Variants in PRELID2 observed in about 807,000 individuals in gnomAD.
PRELID2 encodes PRELI domain containing 2, also known as PRELI domain-containing protein 2.
PRELID2 carries 25 observed loss-of-function variants against 28.4 expected under a neutral mutation model. That is an observed-to-expected ratio of 0.88 (90% confidence interval 0.64 to 1.23). The LOEUF (loss-of-function observed/expected upper bound fraction) is 1.23. PRELID2 is among the 50% of genes most tolerant of loss of function. The pLI, the probability that PRELID2 is intolerant of heterozygous loss-of-function variation, is 0.00. For missense variants in PRELID2, 201 were observed against 214.4 expected (o/e 0.94, Z 0.39); for synonymous variants, 76 against 71.6 (o/e 1.06, Z -0.31).
At position 145,526,301 on chromosome 5, in the gene PRELID2, C is replaced by T. The variant is rs190000071; in HGVS notation, n.71-52986G>A. On this transcript the variant is annotated intron_variant and non_coding_transcript_variant, in intron 1 of 2. Coordinates refer to the PRELID2 transcript ENST00000510259. ...GAGCAACCTGATTTCAGAACCCAAC[C>T]TCTTAACTACTCTGTAACACTGTCA... 3.4e-3 allele frequency among the ~76,000 whole-genome samples: 524 copies of T among 152,268 alleles called. 3 individuals are homozygous for T. The highest frequency in any genetic ancestry group is 0.012 in the African/African-American group (498 of 41,552).
intron 1 of PRELID2, among the ~76,000 whole-genome samples, chr5:145,747,354 A>T (rs1215499944): frequency 6.6e-6 from 1 of 152,194 alleles, no homozygotes; most frequent in East Asian, 1.9e-4. Context: ...ATCACCACTG[A>T]CACCACAGAA....
the PRELID2 span, among the ~76,000 whole-genome samples, chr5:145,368,877 A>T: frequency 6.6e-6 from 1 of 151,602 alleles, no homozygotes; most frequent in African/African-American, 2.4e-5. Flanking sequence ...AGCTAGTGTT[A>T]CGGAGGGGTT....
chr5:145,694,414 T>C (rs1201402045), intron 1 of PRELID2, among the ~76,000 whole-genome samples: 2 of 152,200 alleles, frequency 1.3e-5, no homozygotes, highest in Non-Finnish European at 2.9e-5. Flanking sequence ...TGTTGATAAT[T>C]GTTAATGAAA....
Position 145,772,880 on chromosome 5 carries a change from A to C in PRELID2, c.475-7880T>G, listed in dbSNP as rs938721850. Among the ~76,000 whole-genome samples, 3 of 152,350 alleles carry C rather than the reference A, an allele frequency of 2.0e-5. No individual in the cohort carries two copies. The East Asian group carries it at 5.8e-4, about 29-fold the overall frequency. On this transcript the variant is annotated intron_variant, in intron 5 of 6. Transcript: ENST00000683046. ...AATATATGAATCAATATCTAATCCC[A>C]TCTACAAACTGTTTTAAAGACAATG...
At chr5:145,628,919 T>G (rs1753894538) in intron 1 of PRELID2, among the ~76,000 whole-genome samples, 1 of 152,190 alleles carries the variant, frequency 6.6e-6, no homozygotes. Flanking sequence ...AAAAAATGCT[T>G]TTAGCCCAGC....
At chr5:145,421,622 CT>C in the PRELID2 span, among the ~76,000 whole-genome samples, 11 of 138,274 alleles carry the variant, frequency 8.0e-5, no homozygotes, top group East Asian at 1.4e-3. Flanking sequence ...ATTCTTCTCT[CT>C]TTTTTTCTTT....
chr5:145,267,948 T>C, the PRELID2 span, among the ~76,000 whole-genome samples: 1 of 152,188 alleles, frequency 6.6e-6, no homozygotes, highest in Non-Finnish European at 1.5e-5. Flanking sequence ...CATTTGTATG[T>C]CTTTTTTTGA....
At chr5:145,552,111 T>C (rs113846641) in intron 1 of PRELID2, among the ~76,000 whole-genome samples, 1 of 152,150 alleles carries the variant, frequency 6.6e-6, no homozygotes, top group African/African-American at 2.4e-5. Context: ...CATTACATAG[T>C]GTGCCCTACT....
chr5:145,591,607 C>T (rs570641623), intron 1 of PRELID2, among the ~76,000 whole-genome samples: 1 of 152,214 alleles, frequency 6.6e-6, no homozygotes, highest in South Asian at 2.1e-4. Flanking sequence ...AATGTTCAGG[C>T]TTCACTGATT....
At chr5:145,242,881 G>C in the PRELID2 span, among the ~76,000 whole-genome samples, 3 of 152,026 alleles carry the variant, frequency 2.0e-5, no homozygotes, top group Non-Finnish European at 4.4e-5. Flanking sequence ...TTAGTGGTAT[G>C]ATTTAACCAC....
chr5:145,424,512 G>T, the PRELID2 span, among the ~76,000 whole-genome samples: 1 of 152,326 alleles, frequency 6.6e-6, no homozygotes, highest in Admixed American at 6.5e-5. Flanking sequence ...GGTGCCGTCA[G>T]TCACCGCTTT....
chr5:145,715,590 C>T (rs1210958146), intron 1 of PRELID2, among the ~76,000 whole-genome samples: 1 of 152,148 alleles, frequency 6.6e-6, no homozygotes, highest in Non-Finnish European at 1.5e-5. Context: ...TTACAACCAC[C>T]CACATGATTG....
intron 1 of PRELID2, among the ~76,000 whole-genome samples, chr5:145,832,458 T>C (rs1755656028): frequency 6.6e-6 from 1 of 152,178 alleles, no homozygotes; most frequent in Non-Finnish European, 1.5e-5. Context: ...GTGCTGGGAT[T>C]ACAGGAGTGA....
At chr5:145,545,875 T>C (rs1036871903) in intron 1 of PRELID2, among the ~76,000 whole-genome samples, 9 of 152,148 alleles carry the variant, frequency 5.9e-5, no homozygotes, top group African/African-American at 2.2e-4. Context: ...GGTTTTCCTT[T>C]TCCTTAAAGT....
At chr5:145,312,503 T>C in the PRELID2 span, among the ~76,000 whole-genome samples, 1 of 152,170 alleles carries the variant, frequency 6.6e-6, no homozygotes, top group African/African-American at 2.4e-5. Context: ...CTCCCCATTC[T>C]CTATCTCCTT....
At chr5:145,231,774 T>C in the PRELID2 span, among the ~76,000 whole-genome samples, 4 of 152,164 alleles carry the variant, frequency 2.6e-5, no homozygotes, top group African/African-American at 4.8e-5. Context: ...TGCTAAACTA[T>C]TCCCTGGATG....
At chr5:145,233,624 C>T in the PRELID2 span, among the ~76,000 whole-genome samples, 28 of 152,204 alleles carry the variant, frequency 1.8e-4, no homozygotes, top group African/African-American at 6.5e-4. Context: ...TTAAAAAGGT[C>T]GGAAATGCTG....
At chr5:145,775,427 G>C (rs1353778115) in intron 5 of PRELID2, among the ~76,000 whole-genome samples, 3 of 152,092 alleles carry the variant, frequency 2.0e-5, no homozygotes, top group Non-Finnish European at 4.4e-5. Context: ...CATCTGCGTG[G>C]TTTTAATTTT....
At chr5:145,561,554 G>C (rs1468375839) in intron 1 of PRELID2, among the ~76,000 whole-genome samples, 1 of 152,166 alleles carries the variant, frequency 6.6e-6, no homozygotes, top group African/African-American at 2.4e-5. Context: ...GTTTGAACAG[G>C]AAGGCACTAT....
Sources: allele counts gnomAD v4.1 joint callset (sites outside exome capture counted in the v4.1 genomes callset), GRCh38; gene constraint gnomAD v4.1.1; transcripts MANE v1.5; gene names NCBI Gene and HGNC (gene_info 2026-07-23, HGNC 2026-07-21).